Variants in RNF17 observed in about 807,000 individuals in gnomAD.
RNF17 encodes the protein spermatogenesis associated 23.
A neutral mutation model predicts 200.5 loss-of-function variants in RNF17; 31 were observed. The ratio of observed to expected loss-of-function variants is 0.15; its 90% CI spans 0.12 to 0.21. The LOEUF (loss-of-function observed/expected upper bound fraction) is 0.21. Ranked by LOEUF, RNF17 falls within the 10% of genes least tolerant of loss-of-function variation. RNF17 has a pLI of 1.00. For synonymous variants in RNF17, 606 were observed against 637.8 expected (o/e 0.95, Z 0.75); for missense variants, 1,628 against 1,905.1 (o/e 0.85, Z 2.71).
downstream of RNF17, chr13:24,883,061 TTAGA>T: frequency 1.1e-6 from 1 of 946,360 alleles, no homozygotes; most frequent in Non-Finnish European, 1.7e-6. Context: ...AACTTTTATT[TTAGA>T]ATCTAATCTT....
At chr13:24,863,664 T>TA (rs1428238565) in intron 28 of RNF17, among the ~76,000 whole-genome samples, 1 of 152,224 alleles carries the variant, frequency 6.6e-6, no homozygotes, top group Non-Finnish European at 1.5e-5. Context: ...TTGTTAGTAC[T>TA]AAGAGTCCCT....
At chr13:24,792,788 T>G (rs1407439195) in intron 9 of RNF17, among the ~76,000 whole-genome samples, 1 of 152,194 alleles carries the variant, frequency 6.6e-6, no homozygotes, top group Non-Finnish European at 1.5e-5. Flanking sequence ...ATAAACTTCA[T>G]GAAACCCAAT....
At chr13:24,757,705 T>G in the RNF17 span, among the ~76,000 whole-genome samples, 2 of 152,258 alleles carry the variant, frequency 1.3e-5, no homozygotes, top group Non-Finnish European at 2.9e-5. Context: ...TTTTGTTATA[T>G]ATTCAGTATT....
At chr13:24,753,223 T>C in the RNF17 span, among the ~76,000 whole-genome samples, 1 of 152,226 alleles carries the variant, frequency 6.6e-6, no homozygotes, top group African/African-American at 2.4e-5. Context: ...CTAATATTTG[T>C]GATCCCTTTT....
At chr13:24,801,320 A>G (rs1389314417) in intron 13 of RNF17, among the ~76,000 whole-genome samples, 2 of 152,138 alleles carry the variant, frequency 1.3e-5, no homozygotes, top group African/African-American at 4.8e-5. Flanking sequence ...TACTTTCAAT[A>G]TGTTACGTAA....
chr13:24,769,285 T>C (rs1880310628), intron 2 of RNF17, among the ~76,000 whole-genome samples: 1 of 152,188 alleles, frequency 6.6e-6, no homozygotes, highest in Non-Finnish European at 1.5e-5. Flanking sequence ...TGTAGGAGTG[T>C]TTATAATGTG....
At chr13:24,750,176 A>C in the RNF17 span, among the ~76,000 whole-genome samples, 7,731 of 152,294 alleles carry the variant, frequency 0.051, 646 homozygotes, top group African/African-American at 0.17. Flanking sequence ...CTACTTCAGA[A>C]AAAATAAAAA....
At chr13:24,885,724 T>A in the RNF17 span, 1 of 1,242,630 alleles carries the variant, frequency 8.0e-7, no homozygotes, top group East Asian at 2.4e-5. Flanking sequence ...GAAAATTTTA[T>A]TAGTATGATC....
intron 32 of RNF17, among the ~76,000 whole-genome samples, chr13:24,871,735 C>T (rs947643260): frequency 6.6e-6 from 1 of 150,404 alleles, no homozygotes; most frequent in Non-Finnish European, 1.5e-5. Flanking sequence ...TGGGTTCAAG[C>T]AGTTCTCTTG....
chr13:24,812,170 C>G (rs1032337426), intron 15 of RNF17, among the ~76,000 whole-genome samples: 1 of 146,268 alleles, frequency 6.8e-6, no homozygotes, highest in Non-Finnish European at 1.5e-5. Flanking sequence ...TGGGCTCCAC[C>G]CAGTTCGAGC....
intron 18 of RNF17, 146 bp downstream of exon 18, chr13:24,832,124 A>T (rs1251659791): frequency 1.7e-6 from 1 of 579,180 alleles, no homozygotes; most frequent in African/African-American, 1.9e-5. Context: ...GTACAATGGA[A>T]TTATATCTTT....
At chr13:24,844,853 G>A (rs374080289) in intron 21 of RNF17, 51 bp downstream of exon 21, 2 of 1,584,574 alleles carry the variant, frequency 1.3e-6, no homozygotes, top group Non-Finnish European at 1.7e-6. Flanking sequence ...AATGCATTTT[G>A]TATTTTTTTC....
In RNF17 at chr13:24,844,811, CAG is replaced by C. The variant is rs1566213676; in HGVS notation, c.2982+12_2982+13del. 1 of 1,608,770 alleles carries C rather than the reference CAG, an allele frequency of 6.2e-7. No homozygotes were observed. Among genetic ancestry groups the C allele is most frequent in the Non-Finnish European group, 8.5e-7 (1 of 1,178,062 alleles). On this transcript the variant is annotated intron_variant, in intron 21 of 35. Transcript: ENST00000255324. Reference sequence around the variant, plus strand: ...CAGACACATTGGTAGAGGTAAATTACAGAGTTAAAAGTGTAATTGTGAAGGTG... The same window carrying C: ...CAGACACATTGGTAGAGGTAAATTACAGTTAAAAGTGTAATTGTGAAGGTG...
the RNF17 span, among the ~76,000 whole-genome samples, chr13:24,755,337 C>T: frequency 6.6e-6 from 1 of 152,060 alleles, no homozygotes; most frequent in African/African-American, 2.4e-5. Flanking sequence ...AGGATTACAC[C>T]AAGAGGTATT....
intron 20 of RNF17, 44 bp from the exon 21 acceptor site, chr13:24,844,608 T>A (rs1247049582): frequency 1.4e-6 from 2 of 1,439,992 alleles, no homozygotes; most frequent in Non-Finnish European, 1.9e-6. Context: ...CAGAGAATTA[T>A]ATAAGAAAAG....
chr13:24,792,961 G>A (rs1884059781), intron 9 of RNF17, 81 bp from the exon 10 acceptor site: 1 of 916,676 alleles, frequency 1.1e-6, no homozygotes, highest in African/African-American at 1.7e-5. Flanking sequence ...TAATGTCCAT[G>A]GTGGGAGTTT....
chr13:24,870,783 T>G (rs745449173), intron 32 of RNF17, 44 bp downstream of exon 32: 1 of 1,557,838 alleles, frequency 6.4e-7, no homozygotes, highest in African/African-American at 1.4e-5. Context: ...TTAATAAAAC[T>G]TGGATTTTGT....
At chr13:24,883,845 T>C (rs1023463745), downstream of RNF17, 1 of 1,105,686 alleles carries the variant, frequency 9.0e-7, no homozygotes, top group African/African-American at 1.5e-5. Flanking sequence ...TCATTCAAAC[T>C]GAACCCCCTA....
chr13:24,776,735 T>C (rs2137525717), intron 3 of RNF17, among the ~76,000 whole-genome samples: 1 of 152,318 alleles, frequency 6.6e-6, no homozygotes, highest in South Asian at 2.1e-4. Flanking sequence ...TTGCGGTAGA[T>C]GACGAGGGCT....
Sources: allele counts gnomAD v4.1 joint callset (sites outside exome capture counted in the v4.1 genomes callset), GRCh38; gene constraint gnomAD v4.1.1; transcripts MANE v1.5; gene names NCBI Gene and HGNC (gene_info 2026-07-23, HGNC 2026-07-21).